The following NRXN3 variants were observed in gnomAD, a reference collection of about 807,000 sequenced individuals.
NRXN3 encodes the protein neurexin III.
Under a neutral mutation model 137.6 loss-of-function variants are expected in NRXN3, and 32 were observed. That is an observed-to-expected ratio of 0.23 (90% CI 0.18 to 0.31). The LOEUF is 0.31. Among genes scored for constraint, NRXN3 ranks in the 10% least tolerant of loss-of-function variants. The pLI is 1.00. For synonymous variants in NRXN3, 798 were observed against 784.5 expected (o/e 1.02, Z -0.29); for missense variants, 1,574 against 2,062.5 (o/e 0.76, Z 4.59).
intron 15 of NRXN3, among the ~76,000 whole-genome samples, chr14:79,371,756 A>G (rs187637922): frequency 4.3e-4 from 65 of 152,218 alleles, no homozygotes; most frequent in Non-Finnish European, 7.6e-4. Context: ...ATTCTTATGC[A>G]CCTTCATAGT....
At chr14:78,484,565 T>C (rs2095532185) in intron 4 of NRXN3, among the ~76,000 whole-genome samples, 1 of 152,110 alleles carries the variant, frequency 6.6e-6, no homozygotes, top group Non-Finnish European at 1.5e-5. Context: ...TTGGCCATTC[T>C]CTCCTATTAC....
intron 15 of NRXN3, among the ~76,000 whole-genome samples, chr14:79,112,844 G>T (rs2053778996): frequency 6.6e-6 from 1 of 152,188 alleles, no homozygotes; most frequent in African/African-American, 2.4e-5. Flanking sequence ...AAGTGTCATA[G>T]AATTTACAGC....
At chr14:78,310,843 C>T (rs978007761) in intron 4 of NRXN3, among the ~76,000 whole-genome samples, 2 of 152,058 alleles carry the variant, frequency 1.3e-5, no homozygotes, top group Admixed American at 1.3e-4. Context: ...AGCAAGAATA[C>T]TAGACACTTC....
At position 78,482,430 on chromosome 14, in the gene NRXN3, T is replaced by C. The variant is rs140066532; in HGVS notation, c.758-162690T>C. Among the ~76,000 whole-genome samples, 14 of 152,320 alleles carry C rather than the reference T, an allele frequency of 9.2e-5. No individual in the cohort carries two copies. The East Asian group carries it at 2.7e-3, about 29-fold the overall frequency. ...TGTCAAACTAGATCATATGCTTTGTTTGAGTCCTCAAGGGGAGACAATGAA... is the reference window on the plus strand; with the variant it reads ...TGTCAAACTAGATCATATGCTTTGTCTGAGTCCTCAAGGGGAGACAATGAA... On this transcript the variant is annotated intron_variant, in intron 4 of 20. Transcript: ENST00000335750.
chr14:79,417,276 G>A (rs899999440), intron 15 of NRXN3, among the ~76,000 whole-genome samples: 2 of 152,062 alleles, frequency 1.3e-5, no homozygotes, highest in Non-Finnish European at 2.9e-5. Flanking sequence ...TATCATTGTT[G>A]CATCTTTATT....
intron 15 of NRXN3, among the ~76,000 whole-genome samples, chr14:79,337,620 A>C (rs1329218112): frequency 6.6e-6 from 1 of 152,156 alleles, no homozygotes; most frequent in African/African-American, 2.4e-5. Context: ...TAAAAGAGGA[A>C]ATGATTTTGT....
chr14:78,887,348 G>A (rs183464116), intron 10 of NRXN3, among the ~76,000 whole-genome samples: 1 of 152,022 alleles, frequency 6.6e-6, no homozygotes, highest in Admixed American at 6.6e-5. Context: ...TTAGGCTATT[G>A]AGAGAGAAAG....
At chr14:79,692,306 A>C (rs1298951710) in intron 18 of NRXN3, 44 bp downstream of exon 18, 1 of 1,414,212 alleles carries the variant, frequency 7.1e-7, no homozygotes. Flanking sequence ...TTTGATCCTA[A>C]ACCCTCATTT....
At chr14:79,026,169 C>CA (rs2099597684) in intron 15 of NRXN3, among the ~76,000 whole-genome samples, 1 of 152,100 alleles carries the variant, frequency 6.6e-6, no homozygotes. Flanking sequence ...GTATAAGGCG[C>CA]AGCAAAGCTT....
At chr14:78,361,632 A>G (rs1471824052) in intron 4 of NRXN3, among the ~76,000 whole-genome samples, 1 of 152,210 alleles carries the variant, frequency 6.6e-6, no homozygotes, top group Admixed American at 6.5e-5. Flanking sequence ...GAGAGTGTAG[A>G]TTAATCAATA....
chr14:79,781,172 G>A (rs2099112685), intron 19 of NRXN3, among the ~76,000 whole-genome samples: 2 of 152,078 alleles, frequency 1.3e-5, no homozygotes, highest in South Asian at 4.2e-4. Context: ...ATTTTTCCTG[G>A]TTCTTAATAT....
chr14:79,040,341 C>T (rs146747564), intron 15 of NRXN3, among the ~76,000 whole-genome samples: 2 of 152,216 alleles, frequency 1.3e-5, no homozygotes, highest in African/African-American at 4.8e-5. Context: ...TAAACAAATA[C>T]TTCTAACGCT....
intron 4 of NRXN3, among the ~76,000 whole-genome samples, chr14:78,496,695 A>G (rs897869416): frequency 2.0e-5 from 3 of 152,054 alleles, no homozygotes; most frequent in Non-Finnish European, 4.4e-5. Context: ...GAGAATACCA[A>G]GCTGAGCAGG....
chr14:79,619,761 G>A (rs1042578405), intron 16 of NRXN3, among the ~76,000 whole-genome samples: 1 of 151,958 alleles, frequency 6.6e-6, no homozygotes, highest in Admixed American at 6.6e-5. Flanking sequence ...CCAAATACAG[G>A]TTCATAATTC....
intron 4 of NRXN3, among the ~76,000 whole-genome samples, chr14:78,379,215 A>C (rs2088551770): frequency 6.6e-6 from 1 of 152,228 alleles, no homozygotes; most frequent in Non-Finnish European, 1.5e-5. Flanking sequence ...ATTGCATATA[A>C]GCTCTTCTAG....
In NRXN3 at chr14:78,658,013, G is replaced by A. The variant is rs917998391; in HGVS notation, c.1221+6687G>A. On this transcript the variant is annotated intron_variant, in intron 6 of 20. Transcript: ENST00000335750. The stretch of plus-strand genomic sequence containing the variant: ...TCTCCGTTCCGTTTTTCTCTAATTC[G>A]TTTGTTTCCCAAGCTGTTGTTTTGG... Among the ~76,000 whole-genome samples the A allele has an allele frequency of 4.0e-5, 6 of 151,630 alleles. No individual in the cohort carries two copies. The South Asian group carries it at 6.3e-4, about 16-fold the overall frequency.
intron 16 of NRXN3, among the ~76,000 whole-genome samples, chr14:79,618,498 A>G (rs374452281): frequency 1.3e-5 from 2 of 151,874 alleles, no homozygotes; most frequent in East Asian, 3.9e-4. Flanking sequence ...AGGTGCATCC[A>G]TGTTACTGAA....
chr14:78,652,023 G>A (rs1024683042), intron 6 of NRXN3, among the ~76,000 whole-genome samples: 1 of 152,210 alleles, frequency 6.6e-6, no homozygotes, highest in Non-Finnish European at 1.5e-5. Context: ...GAAATCACAA[G>A]GAACTAGATG....
intron 20 of NRXN3, among the ~76,000 whole-genome samples, chr14:79,816,797 C>T (rs1329033124): frequency 6.6e-6 from 1 of 152,188 alleles, no homozygotes; most frequent in Non-Finnish European, 1.5e-5. Flanking sequence ...TCCACATTTT[C>T]TAATAGAGTA....
Sources: gnomAD v4.1 joint callset for allele counts (sites outside exome capture counted in the v4.1 genomes callset) on GRCh38, gnomAD v4.1.1 for gene constraint, MANE v1.5 for transcripts, NCBI Gene and HGNC (gene_info 2026-07-23, HGNC 2026-07-21) for gene names.